CCSER1: variants seen among roughly 807,000 people sequenced by gnomAD.
CCSER1 encodes the protein coiled-coil serine rich protein 1, also known as serine-rich coiled-coil domain-containing protein 1.
CCSER1 carries 41 observed loss-of-function variants against 82.0 expected under a neutral mutation model. The ratio of observed to expected loss-of-function variants is 0.50; its 90% CI spans 0.39 to 0.65. The LOEUF is 0.65. CCSER1 is among the 30% of genes least tolerant of loss of function. The pLI is 0.00. For missense variants in CCSER1, 1,119 were observed against 1,064.2 expected, an observed-to-expected ratio of 1.05 and a Z score of -0.72; for synonymous variants, 414 against 383.9, an observed-to-expected ratio of 1.08 and a Z score of -0.92.
intron 10 of CCSER1, among the ~76,000 whole-genome samples, chr4:91,157,152 A>G (rs1730898578): frequency 6.6e-6 from 1 of 151,830 alleles, no homozygotes; most frequent in Non-Finnish European, 1.5e-5. Flanking sequence ...AAAATAAACT[A>G]CTCTAGATAG....
chr4:91,146,949 C>T (rs1018430143), intron 10 of CCSER1, among the ~76,000 whole-genome samples: 1 of 152,174 alleles, frequency 6.6e-6, no homozygotes. Context: ...CAAGTCTGTT[C>T]CTGGGCCTTG....
chr4:91,246,796 A>C (rs1163942099), intron 10 of CCSER1, among the ~76,000 whole-genome samples: 2 of 150,788 alleles, frequency 1.3e-5, no homozygotes, highest in Non-Finnish European at 2.9e-5. Flanking sequence ...AGAAAATTTA[A>C]AAAAAGGCAT....
chr4:90,500,675 T>A (rs1014310093), intron 5 of CCSER1, among the ~76,000 whole-genome samples: 1 of 152,038 alleles, frequency 6.6e-6, no homozygotes, highest in Non-Finnish European at 1.5e-5. Flanking sequence ...TACCTGGAAA[T>A]AGCATTACAG....
chr4:91,103,006 A>C (rs1420668767), intron 10 of CCSER1, among the ~76,000 whole-genome samples: 1 of 152,134 alleles, frequency 6.6e-6, no homozygotes, highest in Non-Finnish European at 1.5e-5. Context: ...ATATTGAACA[A>C]ATAATCCTTG....
chr4:90,594,752 A>T (rs1441037408), intron 5 of CCSER1, among the ~76,000 whole-genome samples: 2 of 152,062 alleles, frequency 1.3e-5, no homozygotes, highest in Non-Finnish European at 2.9e-5. Context: ...TTTAAGAAAT[A>T]TATCAAAGAA....
intron 10 of CCSER1, among the ~76,000 whole-genome samples, chr4:91,486,908 T>C (rs1172030498): frequency 1.3e-5 from 2 of 152,106 alleles, no homozygotes; most frequent in Admixed American, 1.3e-4. Context: ...TGATTACCAT[T>C]GTATAATGTT....
chr4:91,406,779 G>T (rs1017699864), intron 10 of CCSER1, among the ~76,000 whole-genome samples: 1 of 152,050 alleles, frequency 6.6e-6, no homozygotes, highest in African/African-American at 2.4e-5. Context: ...TGTTATCCAT[G>T]TTTAATGAAT....
chr4:90,932,947 AAAG>A lies in CCSER1; in HGVS notation c.2172+9503_2172+9505del, dbSNP rs1561384319. On this transcript the variant is annotated intron_variant, in intron 9 of 10. Transcript: ENST00000509176. ...GAAAGAAAGAAAGAAAGAAAGAAAGAAAGAAAGAAAGAAAGAAAGAAAGAAAGA... is the reference window on the plus strand; with the variant it reads ...GAAAGAAAGAAAGAAAGAAAGAAAGAAAAGAAAGAAAGAAAGAAAGAAAGA... 2.3e-3 allele frequency among the ~76,000 whole-genome samples: 94 copies of A among 41,030 alleles called. 24 individuals carry two copies. Among genetic ancestry groups the A allele is most frequent in the African/African-American group, 0.016 (90 of 5,622 alleles). 26.9% of individuals were successfully genotyped at this position (41,030 alleles called of 152,430 possible). A position where few individuals can be genotyped will look rare whatever the true frequency, so the allele number is the denominator to read the frequency against.
chr4:90,385,364 CTT>C (rs530190805), intron 3 of CCSER1, among the ~76,000 whole-genome samples: 6 of 136,086 alleles, frequency 4.4e-5, no homozygotes, highest in Admixed American at 7.5e-5. Flanking sequence ...ATAAGTGTTC[CTT>C]TTTTTTTTTT....
chr4:90,196,317 G>T (rs1490536290), intron 1 of CCSER1, among the ~76,000 whole-genome samples: 1 of 151,962 alleles, frequency 6.6e-6, no homozygotes, highest in Non-Finnish European at 1.5e-5. Flanking sequence ...GTTACTTAGA[G>T]TCTGTAACGT....
At chr4:90,932,990 A>AAGAGAGAAAG (rs1554046135) in intron 9 of CCSER1, among the ~76,000 whole-genome samples, 2 of 48,490 alleles carry the variant, frequency 4.1e-5, no homozygotes, top group South Asian at 4.7e-4. Flanking sequence ...AAGAGAAAGA[A>AAGAGAGAAAG]AGAAAGAAAG....
At chr4:90,162,431 C>G (rs5006831) in intron 1 of CCSER1, among the ~76,000 whole-genome samples, 51,986 of 151,846 alleles carry the variant, frequency 0.34, 11,142 homozygotes, top group East Asian at 0.65. Flanking sequence ...GACATTTTCA[C>G]CAAATAAGTA....
intron 10 of CCSER1, among the ~76,000 whole-genome samples, chr4:91,595,433 G>A (rs1452026798): frequency 6.6e-6 from 1 of 152,036 alleles, no homozygotes; most frequent in Admixed American, 6.6e-5. Context: ...AGAGATAAAA[G>A]TGTTCCAAGT....
intron 9 of CCSER1, among the ~76,000 whole-genome samples, chr4:90,995,781 G>T (rs1737441165): frequency 6.6e-6 from 1 of 151,980 alleles, no homozygotes; most frequent in South Asian, 2.1e-4. Context: ...CCACCAAATG[G>T]TAGATTTTTA....
At chr4:90,158,843 G>GC in intron 1 of CCSER1, among the ~76,000 whole-genome samples, 1 of 152,264 alleles carries the variant, frequency 6.6e-6, no homozygotes, top group Admixed American at 6.5e-5. Context: ...GTGAGGCAAT[G>GC]CCTCACCCTG....
chr4:90,623,776 T>C (rs575139052), intron 5 of CCSER1, among the ~76,000 whole-genome samples: 1 of 152,242 alleles, frequency 6.6e-6, no homozygotes, highest in African/African-American at 2.4e-5. Flanking sequence ...AGACAGACAA[T>C]ATATTTGGAA....
At chr4:91,148,723 G>C (rs1034463737) in intron 10 of CCSER1, among the ~76,000 whole-genome samples, 24 of 152,142 alleles carry the variant, frequency 1.6e-4, no homozygotes, top group African/African-American at 2.2e-4. Flanking sequence ...CTATGAGTGA[G>C]AACATGTGGT....
intron 5 of CCSER1, among the ~76,000 whole-genome samples, chr4:90,619,866 T>TC (rs1447697362): frequency 6.6e-6 from 1 of 152,108 alleles, no homozygotes; most frequent in Non-Finnish European, 1.5e-5. Flanking sequence ...AGTGAAATGC[T>TC]CCTTAACCTG....
intron 1 of CCSER1, among the ~76,000 whole-genome samples, chr4:90,295,368 A>C (rs2153470222): frequency 6.6e-6 from 1 of 152,132 alleles, no homozygotes; most frequent in South Asian, 2.1e-4. Context: ...ATAAATGAAA[A>C]ATATTGTATT....
Sources: allele counts gnomAD v4.1 joint callset (sites outside exome capture counted in the v4.1 genomes callset), GRCh38; gene constraint gnomAD v4.1.1; transcripts MANE v1.5; gene names NCBI Gene and HGNC (gene_info 2026-07-23, HGNC 2026-07-21).